Variants in LONP2 observed in about 807,000 individuals in gnomAD.
LONP2 encodes the protein lon peptidase 2, peroxisomal, also known as lon protease homolog 2, peroxisomal.
Under a neutral mutation model 85.6 loss-of-function variants are expected in LONP2, and 60 were observed. The ratio of observed to expected loss-of-function variants is 0.70; its 90% CI spans 0.57 to 0.87. LONP2 has a LOEUF of 0.87. Ranked by LOEUF, LONP2 falls within the 40% of genes least tolerant of loss-of-function variation. The probability of loss-of-function intolerance (pLI) is 0.00; values close to 1 mark genes in which losing one functional copy is unlikely to be tolerated. For missense variants in LONP2, 860 were observed against 1,063.5 expected, an observed-to-expected ratio of 0.81 and a Z score of 2.66; for synonymous variants, 395 against 389.7, an observed-to-expected ratio of 1.01 and a Z score of -0.16.
Position 48,252,366 on chromosome 16 carries a change from G to GT in LONP2, c.468+2dup. On this transcript the variant is annotated splice_donor_variant, in intron 2 of 14. Coordinates refer to ENST00000285737, the MANE Select transcript of LONP2 (RefSeq NM_031490.5). LOFTEE classifies it high-confidence loss of function. ...GCAGTTTTACAAATATGCAGTACAA[G>GT]TAAGTTGCTTTTATTTTTTCTTAAA... 1 of 1,551,068 alleles carries GT rather than the reference G, an allele frequency of 6.4e-7. No homozygotes were observed. Among genetic ancestry groups the GT allele is most frequent in the Non-Finnish European group, 8.7e-7 (1 of 1,148,384 alleles).
intron 9 of LONP2, among the ~76,000 whole-genome samples, chr16:48,297,595 C>T (rs557263429): frequency 5.3e-5 from 8 of 152,310 alleles, no homozygotes; most frequent in East Asian, 1.9e-4. Flanking sequence ...AGGCGTGAAC[C>T]GCCACACTCG....
intron 7 of LONP2, among the ~76,000 whole-genome samples, chr16:48,276,925 G>A (rs151034999): frequency 6.6e-6 from 1 of 152,256 alleles, no homozygotes; most frequent in East Asian, 1.9e-4. Context: ...TGGCCCAGGG[G>A]CAGCCATTTC....
intron 14 of LONP2, among the ~76,000 whole-genome samples, chr16:48,350,909 C>T (rs1037535240): frequency 6.6e-6 from 1 of 152,148 alleles, no homozygotes; most frequent in African/African-American, 2.4e-5. Context: ...TGAGTGACCT[C>T]AGACATTATG....
chr16:48,319,877 T>G (rs1322453005), intron 11 of LONP2, among the ~76,000 whole-genome samples: 1 of 152,086 alleles, frequency 6.6e-6, no homozygotes, highest in Non-Finnish European at 1.5e-5. Context: ...TGTAAGAATT[T>G]TTTGGCCAGG....
At chr16:48,273,332 C>T (rs776309656) in intron 7 of LONP2, among the ~76,000 whole-genome samples, 5 of 152,046 alleles carry the variant, frequency 3.3e-5, no homozygotes, top group Non-Finnish European at 7.4e-5. Flanking sequence ...TAAAAACAAG[C>T]AAAGATATGT....
intron 11 of LONP2, among the ~76,000 whole-genome samples, chr16:48,330,744 G>C (rs1959413057): frequency 6.6e-6 from 1 of 152,124 alleles, no homozygotes; most frequent in Non-Finnish European, 1.5e-5. Flanking sequence ...TTCTTGACTG[G>C]AGCCTTAGTT....
chr16:48,359,479 C>T (rs748468824), downstream of LONP2, among the ~76,000 whole-genome samples: 3 of 152,010 alleles, frequency 2.0e-5, no homozygotes, highest in East Asian at 1.9e-4. Flanking sequence ...AATCCCAGCA[C>T]TTGGGAGGCA....
Position 48,244,340 on chromosome 16 carries a change from C to T in LONP2, c.-49C>T. On this transcript the variant is annotated 5_prime_UTR_variant, in exon 1 of 15. Coordinates refer to ENST00000285737, the MANE Select transcript of LONP2 (RefSeq NM_031490.5). ...TGACTGCGGGGCAGGCCGGGGGCAG[C>T]TGTCTGTCTGGCTCTTTTTGACAGC... 1 of 1,368,660 alleles carries T rather than the reference C, an allele frequency of 7.3e-7. No individual in the cohort carries two copies. The allele number at this position is 1,368,660 out of a possible 1,614,324, so 84.8% of individuals were successfully genotyped here. A position where few individuals can be genotyped will look rare whatever the true frequency, so the allele number is the denominator to read the frequency against.
chr16:48,276,024 C>T (rs964817910), intron 7 of LONP2, among the ~76,000 whole-genome samples: 1 of 152,106 alleles, frequency 6.6e-6, no homozygotes, highest in African/African-American at 2.4e-5. Flanking sequence ...CTTTGAGATT[C>T]TTTAAAAAAA....
intron 8 of LONP2, among the ~76,000 whole-genome samples, chr16:48,281,265 C>T (rs549827730): frequency 3.3e-5 from 5 of 152,026 alleles, no homozygotes; most frequent in Admixed American, 1.3e-4. Flanking sequence ...AGGATATGCC[C>T]GTTTCCTTGA....
chr16:48,305,054 T>C (rs1972884790), intron 11 of LONP2, among the ~76,000 whole-genome samples: 1 of 152,160 alleles, frequency 6.6e-6, no homozygotes, highest in Admixed American at 6.5e-5. Context: ...ACAGAATCCT[T>C]CTGTGGCCAG....
chr16:48,252,088 C>A (rs955047329), intron 1 of LONP2, 43 bp from the exon 2 acceptor site: 1 of 1,381,080 alleles, frequency 7.2e-7, no homozygotes, highest in Non-Finnish European at 9.8e-7. Context: ...TCTGTTCTAC[C>A]GTATTGAATG....
Position 48,362,670 on chromosome 16 carries a change from A to G in LONP2, c.*807A>G. 2.1e-6 allele frequency: 1 copy of G among 476,282 alleles called. No individual in the cohort carries two copies. Among genetic ancestry groups the G allele is most frequent in the Non-Finnish European group, 3.9e-6 (1 of 258,158 alleles). The allele number at this position is 476,282 out of a possible 1,614,324, so 29.5% of individuals were successfully genotyped here. ...CAAAATGTTCCGGAAAACATGTGGA[A>G]CTCCCTTAATCGTCTTTGGATAGAC... On this transcript the variant is annotated 3_prime_UTR_variant, in exon 5 of 5. Coordinates refer to the LONP2 transcript ENST00000565867. The surrounding 1 kb of genome is among the most constrained non-coding windows in gnomAD (Gnocchi z 4.2).
intron 11 of LONP2, among the ~76,000 whole-genome samples, chr16:48,332,740 A>T (rs1213265610): frequency 2.6e-5 from 4 of 151,306 alleles, no homozygotes; most frequent in Non-Finnish European, 5.9e-5. Flanking sequence ...ATATATACAC[A>T]TACACACACA....
At position 48,348,288 on chromosome 16, in the gene LONP2, C is replaced by T; in HGVS notation, c.2335C>T (p.Pro779Ser). ...GEITLRGLVL[P>S]VGGIKDKVLA... ...AATTACACTGAGAGGTCTTGTTCTT[C>T]CAGTAAGTATGAAAAAACAATTTAT... The change falls in exon 14 of 15, where the codon CCA becomes TCA. Residue 779 changes from proline to serine, a missense_variant and splice_region_variant. By Grantham distance (74) the Pro-to-Ser change is moderately conservative. This residue lies in a region of LONP2 where 115 missense variants were observed against 129.0 expected (regional missense o/e 0.89). Transcript: ENST00000285737. 1.4e-6 allele frequency: 2 copies of T among 1,445,044 alleles called. No homozygotes were observed. Among genetic ancestry groups the T allele is most frequent in the Non-Finnish European group, 1.8e-6 (2 of 1,094,128 alleles). The allele number at this position is 1,445,044 out of a possible 1,614,324, so 89.5% of individuals were successfully genotyped here. A position where few individuals can be genotyped will look rare whatever the true frequency, so the allele number is the denominator to read the frequency against.
At chr16:48,358,701 C>G (rs1454859613), downstream of LONP2, among the ~76,000 whole-genome samples, 1 of 152,048 alleles carries the variant, frequency 6.6e-6, no homozygotes, top group African/African-American at 2.4e-5. Flanking sequence ...TACACCTGTA[C>G]TCTCAGCTAC....
Position 48,299,920 on chromosome 16 carries a change from G to T in LONP2, c.1661+132G>T. ...AGATAAGCCACAGTCTCCTGAAAAGGAGATTAGTTTATTGGCATCCCATAG... is the reference window on the plus strand; with the variant it reads ...AGATAAGCCACAGTCTCCTGAAAAGTAGATTAGTTTATTGGCATCCCATAG... On this transcript the variant is annotated intron_variant, in intron 10 of 14. Coordinates refer to ENST00000285737, the MANE Select transcript of LONP2 (RefSeq NM_031490.5). 4.4e-6 allele frequency: 4 copies of T among 901,466 alleles called. No homozygotes were observed. The South Asian group carries it at 7.8e-5, about 18-fold the overall frequency. 55.8% of individuals were successfully genotyped at this position (901,466 alleles called of 1,614,324 possible).
At chr16:48,263,170 A>G (rs905741983) in intron 6 of LONP2, among the ~76,000 whole-genome samples, 2 of 152,140 alleles carry the variant, frequency 1.3e-5, no homozygotes, top group African/African-American at 4.8e-5. Context: ...GATTATTATT[A>G]TCATCATTAT....
intron 1 of LONP2, among the ~76,000 whole-genome samples, chr16:48,249,756 C>T (rs1971581703): frequency 6.6e-6 from 1 of 152,072 alleles, no homozygotes; most frequent in Non-Finnish European, 1.5e-5. Flanking sequence ...AATTTCTAGT[C>T]AACTATAAGT....
Sources: allele counts gnomAD v4.1 joint callset (sites outside exome capture counted in the v4.1 genomes callset), GRCh38; gene constraint gnomAD v4.1.1; regional missense constraint gnomAD v4.1.1; non-coding constraint Gnocchi (gnomAD v3.1); transcripts MANE v1.5; gene names NCBI Gene and HGNC (gene_info 2026-07-23, HGNC 2026-07-21).